Variants in NXN observed in about 807,000 individuals in gnomAD.
NXN encodes nucleoredoxin.
Under a neutral mutation model 48.6 loss-of-function variants are expected in NXN, and 16 were observed. The ratio of observed to expected loss-of-function variants is 0.33; its 90% CI spans 0.22 to 0.50. The LOEUF (loss-of-function observed/expected upper bound fraction) is 0.50. Ranked by LOEUF, NXN falls within the 20% of genes least tolerant of loss-of-function variation. The pLI, the probability that NXN is intolerant of heterozygous loss-of-function variation, is 0.98. For missense variants in NXN, 492 were observed against 605.5 expected, an observed-to-expected ratio of 0.81 and a Z score of 1.97; for synonymous variants, 281 against 269.6, an observed-to-expected ratio of 1.04 and a Z score of -0.41.
At chr17:841,423 ATCTCACACGGGC>A (rs1914206282) in intron 1 of NXN, among the ~76,000 whole-genome samples, 2 of 123,820 alleles carry the variant, frequency 1.6e-5, no homozygotes, top group South Asian at 2.6e-4. Context: ...ACCACGGCGC[ATCTCACACGGGC>A]GAGCAGGTCC....
intron 1 of NXN, among the ~76,000 whole-genome samples, chr17:925,056 C>G (rs182645060): frequency 6.6e-6 from 1 of 152,340 alleles, no homozygotes; most frequent in East Asian, 1.9e-4. Context: ...TAAGAACTAG[C>G]CACCAAAAGC....
At chr17:843,608 G>C (rs574404646) in intron 1 of NXN, among the ~76,000 whole-genome samples, 1 of 152,214 alleles carries the variant, frequency 6.6e-6, no homozygotes, top group African/African-American at 2.4e-5. Flanking sequence ...TGCATAGGAG[G>C]GGGAGTGAGG....
At chr17:855,131 C>T (rs1038600656) in intron 1 of NXN, among the ~76,000 whole-genome samples, 1 of 152,014 alleles carries the variant, frequency 6.6e-6, no homozygotes, top group Non-Finnish European at 1.5e-5. Context: ...AAAACATTAG[C>T]TGGGTGTGGT....
At chr17:904,285 C>CCGGACGT (rs11280595) in intron 1 of NXN, among the ~76,000 whole-genome samples, 44,747 of 148,664 alleles carry the variant, frequency 0.3, 8,211 homozygotes, top group East Asian at 0.51. Flanking sequence ...TGCGGGCTGC[C>CCGGACGT]CGGACGTCGG....
At chr17:839,396 C>T (rs1038776183) in intron 1 of NXN, among the ~76,000 whole-genome samples, 4 of 151,996 alleles carry the variant, frequency 2.6e-5, no homozygotes, top group South Asian at 2.1e-4. Flanking sequence ...GGTCACACCA[C>T]TGCACTCCAG....
chr17:943,819 C>T (rs1415619865), intron 1 of NXN, among the ~76,000 whole-genome samples: 2 of 149,614 alleles, frequency 1.3e-5, no homozygotes, highest in East Asian at 2.0e-4. Flanking sequence ...AGTATGACTC[C>T]GTCTCTAAAA....
Position 978,905 on chromosome 17 carries a change from G to T in NXN, c.360+414C>A, listed in dbSNP as rs1322083980. Among the ~76,000 whole-genome samples the T allele has an allele frequency of 6.6e-6, 1 of 151,302 alleles. No individual in the cohort carries two copies. Among genetic ancestry groups the T allele is most frequent in the Non-Finnish European group, 1.5e-5 (1 of 67,704 alleles). ...CGGCGGCGGAGGCAGGAAGGGCCTGGCGCCTCTGCTCGCGGGTGAAGGGGT... is the reference window on the plus strand; with the variant it reads ...CGGCGGCGGAGGCAGGAAGGGCCTGTCGCCTCTGCTCGCGGGTGAAGGGGT... On this transcript the variant is annotated intron_variant, in intron 1 of 7. Transcript: ENST00000336868. The surrounding 1 kb of genome is among the most constrained non-coding windows in gnomAD (Gnocchi z 4.1).
intron 1 of NXN, among the ~76,000 whole-genome samples, chr17:961,017 C>T (rs1157880649): frequency 6.6e-6 from 1 of 151,794 alleles, no homozygotes; most frequent in East Asian, 1.9e-4. Context: ...ATCTCCTGAC[C>T]TCGTGATCTG....
intron 1 of NXN, among the ~76,000 whole-genome samples, chr17:835,116 G>C (rs186085973): frequency 2.0e-5 from 3 of 151,254 alleles, no homozygotes; most frequent in East Asian, 2.0e-4. Flanking sequence ...AGACCATCCT[G>C]GCTAACATGG....
chr17:827,294 C>T (rs1009935632), intron 1 of NXN, among the ~76,000 whole-genome samples: 4 of 151,534 alleles, frequency 2.6e-5, no homozygotes, highest in African/African-American at 4.9e-5. Context: ...CTGGCCAACA[C>T]GGTGAAACCC....
intron 1 of NXN, among the ~76,000 whole-genome samples, chr17:884,506 G>A (rs1185568056): frequency 6.6e-6 from 1 of 152,208 alleles, no homozygotes; most frequent in Non-Finnish European, 1.5e-5. Flanking sequence ...TCGCCAAAGC[G>A]AGTCAGGGAA....
chr17:805,698 C>T (rs532596086), intron 5 of NXN, among the ~76,000 whole-genome samples: 201 of 152,064 alleles, frequency 1.3e-3, no homozygotes, highest in Non-Finnish European at 1.9e-3. Context: ...ACTAGCTGGG[C>T]GTGGTGGCGG....
chr17:896,620 G>A (rs914554123), intron 1 of NXN, among the ~76,000 whole-genome samples: 1 of 152,136 alleles, frequency 6.6e-6, no homozygotes, highest in Non-Finnish European at 1.5e-5. Flanking sequence ...TTTCAACTTC[G>A]CTTTAAAGTA....
intron 1 of NXN, among the ~76,000 whole-genome samples, chr17:843,008 G>T (rs1172772444): frequency 3.8e-5 from 3 of 79,910 alleles, no homozygotes; most frequent in Non-Finnish European, 8.3e-5. Context: ...GAGAAAGAGA[G>T]AAAGAAAGAA....
intron 1 of NXN, among the ~76,000 whole-genome samples, chr17:962,168 C>T (rs1327404443): frequency 2.6e-5 from 4 of 152,024 alleles, no homozygotes; most frequent in East Asian, 1.9e-4. Flanking sequence ...TTCAGGAAAA[C>T]GGGGGAGAGT....
chr17:957,203 C>T (rs377000293), intron 1 of NXN, among the ~76,000 whole-genome samples: 5 of 152,042 alleles, frequency 3.3e-5, no homozygotes, highest in African/African-American at 1.2e-4. Context: ...GGCTTGAGAG[C>T]GTCCTCATCC....
intron 1 of NXN, among the ~76,000 whole-genome samples, chr17:867,998 C>A (rs1178986820): frequency 2.0e-5 from 3 of 152,080 alleles, no homozygotes; most frequent in Non-Finnish European, 4.4e-5. Flanking sequence ...TTACTAATGA[C>A]CTTCAGAGTG....
chr17:882,985 C>T (rs1182281581), intron 1 of NXN, among the ~76,000 whole-genome samples: 1 of 152,162 alleles, frequency 6.6e-6, no homozygotes, highest in Non-Finnish European at 1.5e-5. Context: ...AACTCCTGAC[C>T]TCAGGTGATC....
In NXN at chr17:917,120, A is replaced by T. The variant is rs1398588622; in HGVS notation, c.360+62199T>A. Among the ~76,000 whole-genome samples the T allele has an allele frequency of 6.6e-6, 1 of 151,816 alleles. No individual in the cohort carries two copies. Among genetic ancestry groups the T allele is most frequent in the Non-Finnish European group, 1.5e-5 (1 of 67,998 alleles). Reference sequence around the variant, plus strand: ...CCTCCAACAAGATTCCCTGTTCCTAAGTGAACCAAGGAATGAGGTGTTCCA... The same window carrying T: ...CCTCCAACAAGATTCCCTGTTCCTATGTGAACCAAGGAATGAGGTGTTCCA... On this transcript the variant is annotated intron_variant, in intron 1 of 7. Coordinates refer to ENST00000336868, the MANE Select transcript of NXN (RefSeq NM_022463.5). This position sits in a 1 kb window ranked among gnomAD's most constrained non-coding sequence, Gnocchi z 4.5.
Sources: allele counts gnomAD v4.1 joint callset (sites outside exome capture counted in the v4.1 genomes callset), GRCh38; gene constraint gnomAD v4.1.1; non-coding constraint Gnocchi (gnomAD v3.1); transcripts MANE v1.5; gene names NCBI Gene and HGNC (gene_info 2026-07-23, HGNC 2026-07-21).